The following ZFHX4 variants were observed in gnomAD, a reference collection of about 807,000 sequenced individuals.
The protein encoded by ZFHX4 is zinc finger homeobox 4, also known as zinc finger homeobox protein 4.
Under a neutral mutation model 267.6 loss-of-function variants are expected in ZFHX4, and 56 were observed. The ratio of observed to expected loss-of-function variants is 0.21; its 90% CI spans 0.17 to 0.26. The LOEUF is 0.26. ZFHX4 is among the 10% of genes least tolerant of loss of function. The probability of loss-of-function intolerance (pLI) is 1.00; values close to 1 mark genes in which losing one functional copy is unlikely to be tolerated. For synonymous variants in ZFHX4, 1,778 were observed against 1,665.6 expected, an observed-to-expected ratio of 1.07 and a Z score of -1.64; for missense variants, 4,332 against 4,420.0, an observed-to-expected ratio of 0.98 and a Z score of 0.56.
In ZFHX4 at chr8:76,770,360, C is replaced by T. The variant is rs150167990; in HGVS notation, c.3094-7848C>T. ...TATTTTTAATCTTCTTCCTATTGCTCTCCACTATATTCAATCAATTAGGCA... is the reference window on the plus strand; with the variant it reads ...TATTTTTAATCTTCTTCCTATTGCTTTCCACTATATTCAATCAATTAGGCA... On this transcript the variant is annotated intron_variant, in intron 3 of 10. Coordinates refer to ENST00000651372, the MANE Select transcript of ZFHX4 (RefSeq NM_024721.5). Among the ~76,000 whole-genome samples the T allele has an allele frequency of 3.9e-5, 6 of 152,182 alleles. No individual in the cohort carries two copies. In the East Asian group the frequency reaches 1.2e-3, roughly 29 times the overall value.
Position 76,850,872 on chromosome 8 carries a change from C to CT in ZFHX4, c.3965-9dup, listed in dbSNP as rs1812495928. The CT allele has an allele frequency of 6.4e-7, 1 of 1,561,802 alleles. No homozygotes were observed. The highest frequency in any genetic ancestry group is 8.6e-7 in the Non-Finnish European group (1 of 1,157,206). On this transcript the variant is annotated splice_polypyrimidine_tract_variant and intron_variant, in intron 9 of 10. Transcript: ENST00000651372. Reference sequence around the variant, plus strand: ...TCTTATTGTAAGAGAGATGTTTGTGCTTTTTCCTAATAGGTGAAAGTCCAA... The same window carrying CT: ...TCTTATTGTAAGAGAGATGTTTGTGCTTTTTTCCTAATAGGTGAAAGTCCAA...
At chr8:76,812,800 C>T (rs1811410351) in intron 4 of ZFHX4, among the ~76,000 whole-genome samples, 1 of 152,032 alleles carries the variant, frequency 6.6e-6, no homozygotes, top group Non-Finnish European at 1.5e-5. Flanking sequence ...GTTTTTCTGT[C>T]TAACATATTA....
At chr8:76,791,801 C>G (rs1198932591) in intron 4 of ZFHX4, among the ~76,000 whole-genome samples, 1 of 152,030 alleles carries the variant, frequency 6.6e-6, no homozygotes, top group Non-Finnish European at 1.5e-5. Context: ...AGTAATTTTT[C>G]ACATGAATAT....
chr8:76,820,214 T>C (rs1256220684), intron 4 of ZFHX4, among the ~76,000 whole-genome samples: 2 of 152,218 alleles, frequency 1.3e-5, no homozygotes, highest in Non-Finnish European at 2.9e-5. Flanking sequence ...ATTTTAAAAA[T>C]TCAATTTCTT....
intron 4 of ZFHX4, among the ~76,000 whole-genome samples, chr8:76,779,969 A>T (rs964731147): frequency 6.6e-6 from 1 of 152,272 alleles, no homozygotes; most frequent in South Asian, 2.1e-4. Flanking sequence ...GCTAAGGCAT[A>T]TGATGTGAAC....
intron 8 of ZFHX4, 168 bp from the exon 9 acceptor site, chr8:76,850,077 T>C (rs932608327): frequency 3.3e-6 from 2 of 604,190 alleles, no homozygotes; most frequent in Non-Finnish European, 5.9e-6. Flanking sequence ...TGCCACAGCA[T>C]TGATCTAAAG....
chr8:76,748,699 G>T (rs1255337585), intron 3 of ZFHX4, among the ~76,000 whole-genome samples: 1 of 152,106 alleles, frequency 6.6e-6, no homozygotes, highest in Admixed American at 6.6e-5. Flanking sequence ...GCCTCTCAAA[G>T]CGTGTCTTTT....
chr8:76,800,442 G>A (rs1050504768), intron 4 of ZFHX4, among the ~76,000 whole-genome samples: 3 of 152,126 alleles, frequency 2.0e-5, no homozygotes, highest in Admixed American at 1.3e-4. Context: ...TTACAAAATC[G>A]GTTTCACTTG....
intron 3 of ZFHX4, among the ~76,000 whole-genome samples, chr8:76,712,595 T>C (rs181238663): frequency 1.3e-5 from 2 of 152,288 alleles, no homozygotes; most frequent in Admixed American, 1.3e-4. Context: ...CACATTTACA[T>C]AAAAGTCATT....
chr8:76,714,824 A>T (rs768678225), intron 3 of ZFHX4, among the ~76,000 whole-genome samples: 2 of 152,212 alleles, frequency 1.3e-5, no homozygotes, highest in African/African-American at 2.4e-5. Context: ...TTCCTAACTC[A>T]TTCTGCTCAC....
intron 5 of ZFHX4, 102 bp from the exon 6 acceptor site, chr8:76,842,553 T>A: frequency 5.4e-6 from 4 of 739,500 alleles, no homozygotes; most frequent in Non-Finnish European, 8.8e-6. Context: ...TATCTGCAGA[T>A]GATTCATAAA....
chr8:76,698,056 A>G lies in ZFHX4; in HGVS notation c.-46-5987A>G, dbSNP rs555082572. On this transcript the variant is annotated intron_variant, in intron 1 of 10. Coordinates refer to ENST00000651372, the MANE Select transcript of ZFHX4 (RefSeq NM_024721.5). ...AATGAAGCAATCACTACAAAGCCTT[A>G]ATGTCAGCTGGAATACTAGCAAAAC... Among the ~76,000 whole-genome samples the G allele has an allele frequency of 7.2e-5, 11 of 152,242 alleles. No homozygotes were observed. In the South Asian group the frequency reaches 2.3e-3, roughly 32 times the overall value.
chr8:76,831,381 T>C (rs2131887315), intron 4 of ZFHX4, among the ~76,000 whole-genome samples: 1 of 152,196 alleles, frequency 6.6e-6, no homozygotes, highest in African/African-American at 2.4e-5. Context: ...AAATGGTTTT[T>C]ACATGCACAC....
intron 3 of ZFHX4, among the ~76,000 whole-genome samples, chr8:76,772,662 G>C (rs1810294498): frequency 6.6e-6 from 1 of 152,106 alleles, no homozygotes; most frequent in African/African-American, 2.4e-5. Flanking sequence ...AACTAGGAAG[G>C]TTAATCTTAT....
chr8:76,708,309 G>T (rs769962642), intron 3 of ZFHX4: 67 of 482,698 alleles, frequency 1.4e-4, no homozygotes, highest in Non-Finnish European at 1.5e-4. Context: ...CAAAATAAAA[G>T]AATTTGGGGG....
chr8:76,782,506 A>G (rs781019341), intron 4 of ZFHX4, among the ~76,000 whole-genome samples: 4 of 151,996 alleles, frequency 2.6e-5, no homozygotes, highest in African/African-American at 9.7e-5. Flanking sequence ...TTGGAATTTA[A>G]TATGGATTCA....
intron 3 of ZFHX4, among the ~76,000 whole-genome samples, chr8:76,746,904 A>T (rs1310612053): frequency 2.0e-5 from 3 of 152,176 alleles, no homozygotes; most frequent in Non-Finnish European, 4.4e-5. Flanking sequence ...AACTCGACTA[A>T]TGGATTCTTT....
At position 76,852,444 on chromosome 8, in the gene ZFHX4, A is replaced by T. The variant is rs1480144968; in HGVS notation, c.5523A>T (p.Ile1841=). 1 of 1,564,206 alleles carries T rather than the reference A, an allele frequency of 6.4e-7. No individual in the cohort carries two copies. Among genetic ancestry groups the T allele is most frequent in the Admixed American group, 1.9e-5 (1 of 51,938 alleles). Residue 1841 remains isoleucine, a synonymous_variant, in exon 10 of 11, where the codon ATA becomes ATT. Transcript: ENST00000651372. The part of the protein sequence containing the change: ...SKLLKQEQSN[I]VSADCQIMKD... ...TATTGAAACAAGAGCAAAGTAACAT[A>T]GTGAGTGCAGACTGCCAAATCATGA...
chr8:76,856,900 C>T (rs1264242101), intron 10 of ZFHX4, among the ~76,000 whole-genome samples: 2 of 152,122 alleles, frequency 1.3e-5, no homozygotes, highest in African/African-American at 4.8e-5. Context: ...TTTAGCATTG[C>T]TATACAATTT....
Sources: gnomAD v4.1 joint callset for allele counts (sites outside exome capture counted in the v4.1 genomes callset) on GRCh38, gnomAD v4.1.1 for gene constraint, MANE v1.5 for transcripts, NCBI Gene and HGNC (gene_info 2026-07-23, HGNC 2026-07-21) for gene names.